SLC9A7: variants seen among roughly 807,000 people sequenced by gnomAD.
SLC9A7 encodes sodium/hydrogen exchanger 7.
SLC9A7 carries 19 observed loss-of-function variants against 52.6 expected under a neutral mutation model. That is an observed-to-expected ratio of 0.36 (90% CI 0.25 to 0.53). SLC9A7 has a LOEUF of 0.53. Among genes scored for constraint, SLC9A7 ranks in the 20% least tolerant of loss-of-function variants. The probability of loss-of-function intolerance (pLI) is 0.91; values close to 1 mark genes in which losing one functional copy is unlikely to be tolerated. For synonymous variants in SLC9A7, 226 were observed against 252.1 expected (o/e 0.90, Z 0.98); for missense variants, 455 against 597.9 (o/e 0.76, Z 2.49).
chrX:46,753,886 T>A lies in SLC9A7; in HGVS notation c.325+4819A>T, dbSNP rs1226717721. 3.6e-5 allele frequency among the ~76,000 whole-genome samples: 4 copies of A among 109,907 alleles called. No individual in the cohort carries two copies. The East Asian group carries it at 1.1e-3, about 31-fold the overall frequency. ...CTGTAGTCCCAGCTACTCTGGAGGC[T>A]GAGGCAGGAGAATGGCATGAACCCA... On this transcript the variant is annotated intron_variant, in intron 1 of 16. Coordinates refer to ENST00000616978, the MANE Select transcript of SLC9A7 (RefSeq NM_001257291.2).
At chrX:46,682,314 T>C (rs1944222129) in intron 2 of SLC9A7, 22 bp downstream of exon 2, 3 of 1,196,499 alleles carry the variant, frequency 2.5e-6, no homozygotes, top group Non-Finnish European at 3.4e-6. Context: ...AGGACAAGGA[T>C]GGCTGAGTGT....
rs1942741716 is a variant in SLC9A7 at position 46,606,250 on chromosome X, C to T, written c.*702G>A. On this transcript the variant is annotated 3_prime_UTR_variant, in exon 17 of 17. Coordinates refer to ENST00000616978, the MANE Select transcript of SLC9A7 (RefSeq NM_001257291.2). ...GATTAATCAAAAAATAAGAGTATAA[C>T]ACTATTTGCCTTTGGTTTTAAACAT... 3 of 741,622 alleles carry T rather than the reference C, an allele frequency of 4.0e-6. No individual in the cohort carries two copies. Among genetic ancestry groups the T allele is most frequent in the African/African-American group, 2.3e-5 (1 of 43,034 alleles). 61.1% of individuals were successfully genotyped at this position (741,622 alleles called of 1,213,427 possible).
intron 15 of SLC9A7, among the ~76,000 whole-genome samples, chrX:46,616,071 AG>A (rs1276981634): frequency 9.1e-6 from 1 of 109,585 alleles, no homozygotes; most frequent in Non-Finnish European, 1.9e-5. Context: ...ATGTAATCCC[AG>A]CACTTTGCGA....
chrX:46,666,869 C>T (rs1943930304), intron 5 of SLC9A7, among the ~76,000 whole-genome samples: 1 of 111,997 alleles, frequency 8.9e-6, no homozygotes, highest in Non-Finnish European at 1.9e-5. Context: ...AACACATTTT[C>T]GGACAGACTA....
intron 1 of SLC9A7, among the ~76,000 whole-genome samples, chrX:46,754,710 G>A (rs1653008571): frequency 9.0e-6 from 1 of 111,452 alleles, no homozygotes; most frequent in Non-Finnish European, 1.9e-5. Context: ...AGGAGGAAGC[G>A]AGAAGCAGGT....
At chrX:46,757,239 T>C (rs782518580) in intron 1 of SLC9A7, among the ~76,000 whole-genome samples, 1 of 112,191 alleles carries the variant, frequency 8.9e-6, no homozygotes, top group Admixed American at 9.5e-5. Flanking sequence ...GCATCAGTCA[T>C]TTATCACCAA....
At chrX:46,640,572 A>G (rs1387774230) in intron 12 of SLC9A7, among the ~76,000 whole-genome samples, 2 of 112,316 alleles carry the variant, frequency 1.8e-5, no homozygotes, top group African/African-American at 6.5e-5. Flanking sequence ...CTTCTGCTCT[A>G]TGAAAGACCC....
chrX:46,690,498 C>T (rs1190509051), intron 1 of SLC9A7, among the ~76,000 whole-genome samples: 2 of 111,746 alleles, frequency 1.8e-5, no homozygotes, highest in African/African-American at 3.2e-5. Context: ...CTTATATATT[C>T]TAGATACAAG....
At chrX:46,685,812 C>G (rs1412220237) in intron 1 of SLC9A7, 3 of 112,132 alleles carry the variant, frequency 2.7e-5, no homozygotes. Context: ...ACAGGATGAT[C>G]TGCAGCATCT....
chrX:46,682,975 T>TTTTTTTTTTTTTTTTTTTTTG (rs1250538648), intron 1 of SLC9A7, among the ~76,000 whole-genome samples: 1 of 94,372 alleles, frequency 1.1e-5, no homozygotes, highest in Non-Finnish European at 2.1e-5. Flanking sequence ...TTTTTTTTTT[T>TTTTTTTTTTTTTTTTTTTTTG]TTTTTTTGTA....
At chrX:46,692,785 T>C (rs1265143097) in intron 1 of SLC9A7, among the ~76,000 whole-genome samples, 2 of 111,437 alleles carry the variant, frequency 1.8e-5, no homozygotes, top group Non-Finnish European at 3.8e-5. Flanking sequence ...ACAGCTCTTG[T>C]TTAAATACAG....
intron 3 of SLC9A7, among the ~76,000 whole-genome samples, 183 bp from the exon 4 acceptor site, chrX:46,672,810 C>A (rs1910637795): frequency 8.9e-6 from 1 of 112,427 alleles, no homozygotes; most frequent in Non-Finnish European, 1.9e-5. Flanking sequence ...TTTAAGTTAT[C>A]TTCTATACAG....
At chrX:46,608,007 C>A (rs1324497804) in intron 16 of SLC9A7, among the ~76,000 whole-genome samples, 1 of 112,290 alleles carries the variant, frequency 8.9e-6, no homozygotes, top group Non-Finnish European at 1.9e-5. Context: ...GATTTTTTCT[C>A]TCCTGTTTCC....
chrX:46,657,903 A>C (rs1331983554), intron 7 of SLC9A7, among the ~76,000 whole-genome samples: 1 of 106,779 alleles, frequency 9.4e-6, no homozygotes, highest in East Asian at 3.0e-4. Context: ...CTCCACCCCA[A>C]ATCAACAGAA....
At chrX:46,654,982 C>CTTTTTTTTTTTTTTT (rs60881484) in intron 7 of SLC9A7, among the ~76,000 whole-genome samples, 2 of 83,620 alleles carry the variant, frequency 2.4e-5, no homozygotes, top group African/African-American at 4.7e-5. Flanking sequence ...TTCTTTCTTT[C>CTTTTTTTTTTTTTTT]TTTTTTTTTT....
chrX:46,627,687 ACT>A (rs1384016633), intron 14 of SLC9A7, among the ~76,000 whole-genome samples: 1 of 103,897 alleles, frequency 9.6e-6, no homozygotes, highest in Non-Finnish European at 1.9e-5. Context: ...ATTGATCTTG[ACT>A]CTGAGTTTTT....
chrX:46,755,039 G>A (rs955780544), intron 1 of SLC9A7, among the ~76,000 whole-genome samples: 2 of 112,310 alleles, frequency 1.8e-5, no homozygotes, highest in African/African-American at 6.5e-5. Context: ...TGGGGTCTGG[G>A]GGCTGCTTTC....
At chrX:46,646,714 G>A (rs1237779992) in intron 11 of SLC9A7, 15 of 286,711 alleles carry the variant, frequency 5.2e-5, no homozygotes, top group Non-Finnish European at 8.9e-5. Flanking sequence ...CATAGACAAC[G>A]AGAATAGCAG....
intron 14 of SLC9A7, among the ~76,000 whole-genome samples, chrX:46,629,382 C>T (rs1448211641): frequency 1.8e-5 from 2 of 112,074 alleles, no homozygotes; most frequent in Non-Finnish European, 3.8e-5. Flanking sequence ...AATACAAGAA[C>T]CCTCAGCACT....
Sources: allele counts gnomAD v4.1 joint callset (sites outside exome capture counted in the v4.1 genomes callset), GRCh38; gene constraint gnomAD v4.1.1; transcripts MANE v1.5; gene names NCBI Gene and HGNC (gene_info 2026-07-23, HGNC 2026-07-21).